Variants in TUSC3 observed in about 807,000 individuals in gnomAD.
TUSC3 encodes dolichyl-diphosphooligosaccharide--protein glycosyltransferase subunit TUSC3.
TUSC3 carries 45 observed loss-of-function variants against 44.8 expected under a neutral mutation model. The ratio of observed to expected loss-of-function variants is 1.00; its 90% CI spans 0.79 to 1.29. TUSC3 has a LOEUF of 1.29. Among genes scored for constraint, TUSC3 ranks in the 50% most tolerant of loss-of-function variants. The probability of loss-of-function intolerance (pLI) is 0.00; values close to 1 mark genes in which losing one functional copy is unlikely to be tolerated. For missense variants in TUSC3, 519 were observed against 437.9 expected, an observed-to-expected ratio of 1.19 and a Z score of -1.65; for synonymous variants, 212 against 152.9, an observed-to-expected ratio of 1.39 and a Z score of -2.85.
chr8:15,749,030 A>G (rs943217384), intron 9 of TUSC3, among the ~76,000 whole-genome samples: 1 of 152,164 alleles, frequency 6.6e-6, no homozygotes, highest in Non-Finnish European at 1.5e-5. Flanking sequence ...AGTAAAGCAC[A>G]CTACAGAAGA....
chr8:15,848,020 C>G, the TUSC3 span, among the ~76,000 whole-genome samples: 1 of 152,168 alleles, frequency 6.6e-6, no homozygotes, highest in East Asian at 1.9e-4. Context: ...CATATTTATT[C>G]TCTTTTTCCT....
chr8:15,738,381 C>T (rs746853476), intron 7 of TUSC3, among the ~76,000 whole-genome samples: 1 of 152,100 alleles, frequency 6.6e-6, no homozygotes, highest in Non-Finnish European at 1.5e-5. Context: ...TTGACATCAC[C>T]TTAAAATCTT....
At chr8:15,536,194 G>C (rs1443056219), upstream of TUSC3, among the ~76,000 whole-genome samples, 3 of 152,166 alleles carry the variant, frequency 2.0e-5, no homozygotes, top group Non-Finnish European at 2.9e-5. Context: ...GGGAAAGCAA[G>C]ACAGCTAGCC....
intron 2 of TUSC3, among the ~76,000 whole-genome samples, chr8:15,490,842 C>T (rs949392282): frequency 2.0e-5 from 3 of 152,136 alleles, no homozygotes; most frequent in African/African-American, 7.2e-5. Flanking sequence ...CAAAGAAAAT[C>T]ACTGAGGCAG....
chr8:15,445,688 A>T (rs765335655), intron 1 of TUSC3, among the ~76,000 whole-genome samples: 24 of 152,228 alleles, frequency 1.6e-4, no homozygotes, highest in Non-Finnish European at 3.2e-4. Flanking sequence ...TTAGTACAAA[A>T]CAAAATGGAG....
Position 15,581,596 on chromosome 8 carries a change from C to T in TUSC3, c.138+41028C>T, listed in dbSNP as rs561319475. On this transcript the variant is annotated intron_variant, in intron 1 of 10. Coordinates refer to ENST00000503731, the MANE Select transcript of TUSC3 (RefSeq NM_006765.4). The stretch of plus-strand genomic sequence containing the variant: ...CCTGCAGTGTGAGGTGTCAGTGTGC[C>T]CCTGCTGCGGGGTGCCTCCCAGTTA... Among the ~76,000 whole-genome samples the T allele has an allele frequency of 9.6e-3, 1,437 of 149,316 alleles. 62 individuals carry two copies. The highest frequency in any genetic ancestry group is 0.034 in the African/African-American group (1,353 of 39,656).
intron 1 of TUSC3, among the ~76,000 whole-genome samples, chr8:15,616,894 G>T (rs1406614927): frequency 6.6e-6 from 1 of 152,150 alleles, no homozygotes; most frequent in African/African-American, 2.4e-5. Flanking sequence ...TAGAACTGCA[G>T]TTGGCACAGA....
At chr8:15,635,856 G>A (rs78776245) in intron 2 of TUSC3, among the ~76,000 whole-genome samples, 1 of 152,098 alleles carries the variant, frequency 6.6e-6, no homozygotes, top group Non-Finnish European at 1.5e-5. Context: ...TTAATTAGCA[G>A]CTTGATTCCA....
chr8:15,634,480 G>A (rs12541025), intron 2 of TUSC3, among the ~76,000 whole-genome samples: 46,463 of 152,084 alleles, frequency 0.31, 7,793 homozygotes, highest in Non-Finnish European at 0.37. Flanking sequence ...GAGAGAAAGG[G>A]CAATTGATAT....
intron 6 of TUSC3, among the ~76,000 whole-genome samples, chr8:15,713,348 A>G (rs1157828508): frequency 1.3e-5 from 2 of 152,174 alleles, no homozygotes; most frequent in Non-Finnish European, 2.9e-5. Flanking sequence ...TCCAATTAAA[A>G]TTACATTTTT....
Position 15,525,574 on chromosome 8 carries a change from G to T in TUSC3, n.189+42091G>T, listed in dbSNP as rs184430717. Among the ~76,000 whole-genome samples the T allele has an allele frequency of 3.3e-3, 497 of 152,280 alleles. 1 individual carries two copies. The highest frequency in any genetic ancestry group is 0.01 in the Middle Eastern group (3 of 294). ...TGGCTCCTCATTAATTTTCAAGAGT[G>T]TAAAGTGGTCCTGAGAACAAAAAAG... On this transcript the variant is annotated intron_variant and non_coding_transcript_variant, in intron 2 of 5. Coordinates refer to the TUSC3 transcript ENST00000503191.
chr8:15,666,348 C>T (rs1036150159), intron 5 of TUSC3, among the ~76,000 whole-genome samples: 15 of 151,338 alleles, frequency 9.9e-5, no homozygotes, highest in African/African-American at 3.1e-4. Flanking sequence ...AGTAAATCAC[C>T]GTAGGATAGA....
At chr8:15,641,572 C>A (rs1169090280) in intron 2 of TUSC3, among the ~76,000 whole-genome samples, 1 of 152,162 alleles carries the variant, frequency 6.6e-6, no homozygotes, top group East Asian at 1.9e-4. Flanking sequence ...GGTTTGCATA[C>A]TCCTTTGCCA....
At chr8:15,833,813 C>G in the TUSC3 span, among the ~76,000 whole-genome samples, 1 of 149,470 alleles carries the variant, frequency 6.7e-6, no homozygotes, top group African/African-American at 2.5e-5. Flanking sequence ...ATATAACAAA[C>G]ATGCACATGT....
At chr8:15,774,633 T>C in the TUSC3 span, among the ~76,000 whole-genome samples, 4,330 of 152,240 alleles carry the variant, frequency 0.028, 186 homozygotes, top group African/African-American at 0.097. Flanking sequence ...TGTGGTACTT[T>C]GTTACAGCAG....
At chr8:15,710,446 C>A (rs1809794969) in intron 6 of TUSC3, among the ~76,000 whole-genome samples, 2 of 151,830 alleles carry the variant, frequency 1.3e-5, no homozygotes, top group East Asian at 1.9e-4. Flanking sequence ...TCTGACCGAA[C>A]AAGGGCCTTC....
intron 1 of TUSC3, among the ~76,000 whole-genome samples, chr8:15,470,335 A>C (rs1025589935): frequency 6.6e-6 from 1 of 151,492 alleles, no homozygotes; most frequent in Non-Finnish European, 1.5e-5. Flanking sequence ...AGAGGTTTTT[A>C]GGGCAATACA....
intron 1 of TUSC3, among the ~76,000 whole-genome samples, chr8:15,556,123 A>G (rs1364391091): frequency 2.0e-5 from 3 of 150,148 alleles, no homozygotes; most frequent in African/African-American, 7.3e-5. Flanking sequence ...GTCATCTAGC[A>G]TTAGGTAAAT....
intron 1 of TUSC3, among the ~76,000 whole-genome samples, chr8:15,548,899 C>G (rs914304650): frequency 6.6e-6 from 1 of 151,722 alleles, no homozygotes; most frequent in Admixed American, 6.6e-5. Flanking sequence ...ATCCTTGAAT[C>G]TCAGTGATCA....
Sources: allele counts gnomAD v4.1 joint callset (sites outside exome capture counted in the v4.1 genomes callset), GRCh38; gene constraint gnomAD v4.1.1; transcripts MANE v1.5; gene names NCBI Gene and HGNC (gene_info 2026-07-23, HGNC 2026-07-21).